The following MCTP1 variants were observed in gnomAD, a reference collection of about 807,000 sequenced individuals.
The protein encoded by MCTP1 is multiple C2 and transmembrane domain containing 1.
Under a neutral mutation model 120.6 loss-of-function variants are expected in MCTP1, and 69 were observed. The ratio of observed to expected loss-of-function variants is 0.57; its 90% CI spans 0.47 to 0.70. The LOEUF (loss-of-function observed/expected upper bound fraction) is 0.70. Ranked by LOEUF, MCTP1 falls within the 30% of genes least tolerant of loss-of-function variation. The pLI is 0.00. For synonymous variants in MCTP1, 529 were observed against 493.1 expected (o/e 1.07, Z -0.96); for missense variants, 1,203 against 1,248.8 (o/e 0.96, Z 0.55).
chr5:95,180,347 A>G (rs1377820943), intron 1 of MCTP1, among the ~76,000 whole-genome samples: 3 of 152,222 alleles, frequency 2.0e-5, no homozygotes, highest in African/African-American at 7.2e-5. Context: ...GCCTTAGGCC[A>G]TGTTACTCCA....
At position 94,959,039 on chromosome 5, in the gene MCTP1, G is replaced by T. The variant is rs370996317; in HGVS notation, c.839-5678C>A. Reference sequence around the variant, plus strand: ...ATCCTCAATAAAATACTGGCAAACCGAATCCAGCAGCACATTAAAAAGCTT... The same window carrying T: ...ATCCTCAATAAAATACTGGCAAACCTAATCCAGCAGCACATTAAAAAGCTT... On this transcript the variant is annotated intron_variant, in intron 2 of 22. Transcript: ENST00000515393. Among the ~76,000 whole-genome samples, 3 of 152,142 alleles carry T rather than the reference G, an allele frequency of 2.0e-5. No homozygotes were observed. The East Asian group carries it at 5.8e-4, about 29-fold the overall frequency.
In MCTP1 at chr5:95,220,208, A is replaced by T. The variant is rs546661291; in HGVS notation, c.720+63648T>A. Among the ~76,000 whole-genome samples the T allele has an allele frequency of 3.7e-3, 570 of 152,362 alleles. 1 individual carries two copies. The highest frequency in any genetic ancestry group is 0.013 in the African/African-American group (548 of 41,584). On this transcript the variant is annotated intron_variant, in intron 1 of 22. Transcript: ENST00000515393. ...GTTACTAAAAATACTGATTAAGTAC[A>T]TGAGAGATTTTTTTGTGTGTGTTTA... is the stretch of plus-strand genomic sequence containing the variant.
intron 3 of MCTP1, among the ~76,000 whole-genome samples, chr5:94,949,087 T>G (rs919101185): frequency 3.9e-5 from 6 of 152,192 alleles, no homozygotes; most frequent in Admixed American, 3.9e-4. Flanking sequence ...GGTTCTATTT[T>G]TCAGAATAGT....
chr5:95,247,096 A>G (rs1398135779), intron 1 of MCTP1, among the ~76,000 whole-genome samples: 1 of 152,144 alleles, frequency 6.6e-6, no homozygotes, highest in African/African-American at 2.4e-5. Flanking sequence ...AAGAGATTCA[A>G]CTTCTTCCTG....
At chr5:95,029,478 C>A (rs1264228686) in intron 1 of MCTP1, among the ~76,000 whole-genome samples, 1 of 152,144 alleles carries the variant, frequency 6.6e-6, no homozygotes, top group African/African-American at 2.4e-5. Flanking sequence ...TGTGAATAGA[C>A]AAGTTCTAAA....
intron 22 of MCTP1, 116 bp downstream of exon 22, chr5:94,708,396 T>G: frequency 1.6e-6 from 1 of 626,982 alleles, no homozygotes; most frequent in South Asian, 2.4e-5. Context: ...TACACAGGCT[T>G]TATTAATTTT....
intron 1 of MCTP1, among the ~76,000 whole-genome samples, chr5:95,111,066 C>A (rs1191110517): frequency 6.6e-6 from 1 of 152,156 alleles, no homozygotes; most frequent in African/African-American, 2.4e-5. Context: ...AGACACTACA[C>A]AATCTGCAAT....
intron 1 of MCTP1, among the ~76,000 whole-genome samples, chr5:95,074,833 A>C (rs1753160274): frequency 6.6e-6 from 1 of 152,236 alleles, no homozygotes; most frequent in African/African-American, 2.4e-5. Context: ...TGCACAATTA[A>C]CATTTTAATA....
At chr5:95,018,433 A>G (rs1272618780) in intron 1 of MCTP1, among the ~76,000 whole-genome samples, 5 of 152,156 alleles carry the variant, frequency 3.3e-5, no homozygotes, top group Non-Finnish European at 7.4e-5. Context: ...AAAATGAAAC[A>G]ATAAAGCAGC....
At chr5:95,224,388 T>C (rs988102254) in intron 1 of MCTP1, among the ~76,000 whole-genome samples, 2 of 152,236 alleles carry the variant, frequency 1.3e-5, no homozygotes, top group Non-Finnish European at 2.9e-5. Flanking sequence ...TAGCAAATAT[T>C]GCATAGTACT....
intron 1 of MCTP1, among the ~76,000 whole-genome samples, chr5:95,198,403 T>G (rs1322731131): frequency 6.6e-6 from 1 of 152,196 alleles, no homozygotes; most frequent in Non-Finnish European, 1.5e-5. Context: ...ATCCTGTTTT[T>G]CACTTTTAGT....
At chr5:95,000,586 A>T (rs1833479651) in intron 2 of MCTP1, among the ~76,000 whole-genome samples, 1 of 152,168 alleles carries the variant, frequency 6.6e-6, no homozygotes, top group African/African-American at 2.4e-5. Flanking sequence ...TGTTAAAAAT[A>T]TTTAAAAAAG....
intron 1 of MCTP1, among the ~76,000 whole-genome samples, chr5:95,021,563 T>C (rs1280281988): frequency 3.9e-5 from 6 of 152,040 alleles, no homozygotes; most frequent in Admixed American, 1.3e-4. Flanking sequence ...ATTTTATGGG[T>C]TTTGTTTCTA....
At chr5:94,765,248 T>C (rs1772321077) in intron 19 of MCTP1, among the ~76,000 whole-genome samples, 1 of 152,034 alleles carries the variant, frequency 6.6e-6, no homozygotes, top group South Asian at 2.1e-4. Context: ...GCAAAAGCAG[T>C]GCTACGAGGG....
At chr5:94,790,147 G>A (rs1207328686) in intron 18 of MCTP1, among the ~76,000 whole-genome samples, 1 of 152,168 alleles carries the variant, frequency 6.6e-6, no homozygotes, top group African/African-American at 2.4e-5. Context: ...CATGAGCCAC[G>A]ATAGCCACTT....
intron 19 of MCTP1, among the ~76,000 whole-genome samples, chr5:94,727,924 A>G (rs1004163658): frequency 1.3e-5 from 2 of 152,230 alleles, no homozygotes; most frequent in African/African-American, 2.4e-5. Flanking sequence ...AGCAGATGTC[A>G]GTATAAATAA....
intron 1 of MCTP1, among the ~76,000 whole-genome samples, chr5:95,221,053 T>C (rs939572372): frequency 3.3e-5 from 5 of 152,234 alleles, no homozygotes; most frequent in African/African-American, 1.2e-4. Context: ...AAAATGACTT[T>C]TTTAAAGAGT....
intron 1 of MCTP1, among the ~76,000 whole-genome samples, chr5:95,023,669 A>G (rs1838638130): frequency 6.6e-6 from 1 of 152,212 alleles, no homozygotes; most frequent in African/African-American, 2.4e-5. Context: ...CAAGAAGAAA[A>G]TCAGCAGGCT....
intron 1 of MCTP1, among the ~76,000 whole-genome samples, chr5:95,232,811 C>T (rs1755113356): frequency 6.6e-6 from 1 of 151,976 alleles, no homozygotes. Flanking sequence ...GCTGAAGTGC[C>T]TATATTAATA....
Sources: allele counts gnomAD v4.1 joint callset (sites outside exome capture counted in the v4.1 genomes callset), GRCh38; gene constraint gnomAD v4.1.1; transcripts MANE v1.5; gene names NCBI Gene and HGNC (gene_info 2026-07-23, HGNC 2026-07-21).